CDC5L: variants seen among roughly 807,000 people sequenced by gnomAD.
The protein encoded by CDC5L is cell division cycle 5-like protein.
In CDC5L, 18 loss-of-function variants were observed where a neutral mutation model predicts 104.1. That is an observed-to-expected ratio of 0.17 (90% CI 0.12 to 0.26). The LOEUF (loss-of-function observed/expected upper bound fraction) is 0.26, where lower values mean the gene tolerates loss of function less well. CDC5L is among the 10% of genes least tolerant of loss of function. The pLI is 1.00. For synonymous variants in CDC5L, 331 were observed against 322.7 expected (o/e 1.03, Z -0.28); for missense variants, 673 against 956.9 (o/e 0.70, Z 3.91).
chr6:44,397,420 A>G (rs1172103956), intron 5 of CDC5L, among the ~76,000 whole-genome samples: 1 of 152,204 alleles, frequency 6.6e-6, no homozygotes, highest in Non-Finnish European at 1.5e-5. Context: ...TTTCGCTAGT[A>G]TTCTTTACCT....
intron 11 of CDC5L, 36 bp downstream of exon 11, chr6:44,424,619 T>A (rs1792337745): frequency 6.2e-7 from 1 of 1,604,536 alleles, no homozygotes; most frequent in Non-Finnish European, 8.5e-7. Context: ...TGAGTTTGGC[T>A]GAATGTGTCA....
intron 9 of CDC5L, among the ~76,000 whole-genome samples, chr6:44,421,454 A>G (rs1561975204): frequency 6.6e-6 from 1 of 152,348 alleles, no homozygotes; most frequent in East Asian, 1.9e-4. Context: ...TAGTAGAGAA[A>G]GCACTTCAGG....
At chr6:44,391,670 G>C (rs1233488069) in intron 2 of CDC5L, among the ~76,000 whole-genome samples, 1 of 152,132 alleles carries the variant, frequency 6.6e-6, no homozygotes, top group Non-Finnish European at 1.5e-5. Flanking sequence ...GATTGTATAA[G>C]AATGACCTAA....
At chr6:44,407,685 T>C (rs1791436742) in intron 7 of CDC5L, among the ~76,000 whole-genome samples, 1 of 152,166 alleles carries the variant, frequency 6.6e-6, no homozygotes, top group African/African-American at 2.4e-5. Flanking sequence ...TTGGACAGAT[T>C]TAATGGTGCA....
At chr6:44,397,426 T>C (rs908407103) in intron 5 of CDC5L, among the ~76,000 whole-genome samples, 4 of 152,256 alleles carry the variant, frequency 2.6e-5, no homozygotes, top group Admixed American at 2.6e-4. Context: ...TAGTATTCTT[T>C]ACCTTCTTTA....
chr6:44,391,069 GTTATATA>G lies in CDC5L; in HGVS notation c.149+709_149+715del, dbSNP rs201682792. 1.2e-4 allele frequency among the ~76,000 whole-genome samples: 11 copies of G among 93,058 alleles called. No homozygotes were observed. In the South Asian group the frequency reaches 1.6e-3, roughly 14 times the overall value. The allele number at this position is 93,058 out of a possible 152,430, so 61.0% of individuals were successfully genotyped here. ...ATTATATATTAAACATATTTAATAT[GTTATATA>G]TTATATATTAAACATTTAATATGTT... is the stretch of plus-strand genomic sequence containing the variant. On this transcript the variant is annotated intron_variant, in intron 2 of 15. Transcript: ENST00000371477.
intron 14 of CDC5L, among the ~76,000 whole-genome samples, chr6:44,442,390 T>G (rs895479614): frequency 2.0e-5 from 3 of 150,450 alleles, no homozygotes; most frequent in African/African-American, 7.3e-5. Context: ...TGTGTGTGTG[T>G]GTGTGTGTGT....
intron 14 of CDC5L, among the ~76,000 whole-genome samples, chr6:44,440,369 G>A (rs1793126372): frequency 6.6e-6 from 1 of 151,638 alleles, no homozygotes; most frequent in South Asian, 2.1e-4. Flanking sequence ...AGCCTCCCGA[G>A]TAGCTGGGAC....
In CDC5L at chr6:44,429,845, C is replaced by T. The variant is rs767195793; in HGVS notation, c.2026C>T (p.Arg676Cys). 10 of 1,613,852 alleles carry T rather than the reference C, an allele frequency of 6.2e-6. No individual in the cohort carries two copies. Among genetic ancestry groups the T allele is most frequent in the East Asian group, 2.2e-5 (1 of 44,880 alleles). The stretch of plus-strand genomic sequence containing the variant: ...AGTTTTATATCTTCCTGGGCAGAGC[C>T]GCTACACACGGGCCAATCTGGCTAG... ...SQVLYLPGQS[R>C]YTRANLASKK... is the part of the protein sequence containing the mutation. The change falls in exon 14 of 16, where the codon CGC becomes TGC. Residue 676 changes from arginine (R) to cysteine (C), a missense_variant. By Grantham distance (180) the Arg-to-Cys change is radical. Transcript: ENST00000371477.
chr6:44,440,072 C>A (rs1323212911), intron 14 of CDC5L, among the ~76,000 whole-genome samples: 1 of 151,988 alleles, frequency 6.6e-6, no homozygotes, highest in Non-Finnish European at 1.5e-5. Context: ...ATTTATTGTT[C>A]AAGTAAATTG....
chr6:44,393,346 G>A, intron 3 of CDC5L, 100 bp from the exon 4 acceptor site: 2 of 1,152,158 alleles, frequency 1.7e-6, no homozygotes, highest in Admixed American at 4.7e-5. Context: ...CCATCCATTG[G>A]TTTTTTTGGG....
chr6:44,432,338 C>A (rs1298465162), intron 14 of CDC5L, among the ~76,000 whole-genome samples: 1 of 152,104 alleles, frequency 6.6e-6, no homozygotes, highest in Admixed American at 6.5e-5. Flanking sequence ...CTTAAATTAT[C>A]CTTTCCACTC....
chr6:44,414,710 G>A (rs985225419), intron 8 of CDC5L, among the ~76,000 whole-genome samples: 9 of 151,910 alleles, frequency 5.9e-5, no homozygotes, highest in African/African-American at 1.9e-4. Context: ...ACTTGCAGAT[G>A]TTTCCTCTCA....
intron 14 of CDC5L, among the ~76,000 whole-genome samples, chr6:44,441,932 CTTTTTTTTT>C (rs145016358): frequency 2.2e-5 from 2 of 92,868 alleles, no homozygotes; most frequent in African/African-American, 4.4e-5. Flanking sequence ...AGGTCTTGTT[CTTTTTTTTT>C]TTTTTTTTTT....
In CDC5L at chr6:44,446,767, A is replaced by C; in HGVS notation, c.*56A>C. On this transcript the variant is annotated 3_prime_UTR_variant, in exon 16 of 16. Coordinates refer to ENST00000371477, the MANE Select transcript of CDC5L (RefSeq NM_001253.4). The stretch of plus-strand genomic sequence containing the variant: ...TTAATTGCCGGTTTTCATACTCTAG[A>C]AGGCTGAAACTGATGTTTATCTTCA... The C allele has an allele frequency of 1.2e-6, 1 of 859,396 alleles. No homozygotes were observed. The highest frequency in any genetic ancestry group is 1.9e-6 in the Non-Finnish European group (1 of 537,782). The allele number at this position is 859,396 out of a possible 1,614,324, so 53.2% of individuals were successfully genotyped here. A position where few individuals can be genotyped will look rare whatever the true frequency, so the allele number is the denominator to read the frequency against.
intron 8 of CDC5L, among the ~76,000 whole-genome samples, chr6:44,413,972 A>G (rs1391535640): frequency 6.6e-6 from 1 of 152,220 alleles, no homozygotes; most frequent in Non-Finnish European, 1.5e-5. Flanking sequence ...GATTATAGCC[A>G]TCTTGTAATC....
At chr6:44,388,837 T>G (rs1331949738) in intron 1 of CDC5L, among the ~76,000 whole-genome samples, 1 of 152,188 alleles carries the variant, frequency 6.6e-6, no homozygotes, top group African/African-American at 2.4e-5. Flanking sequence ...AAAACTTGCT[T>G]TGTCTTTTTG....
At chr6:44,397,856 T>G (rs941055883) in intron 5 of CDC5L, among the ~76,000 whole-genome samples, 8 of 152,206 alleles carry the variant, frequency 5.3e-5, no homozygotes, top group African/African-American at 1.9e-4. Flanking sequence ...TCCTTTTGGT[T>G]AAGTCCATGA....
At chr6:44,414,172 C>G (rs561341661) in intron 8 of CDC5L, among the ~76,000 whole-genome samples, 1 of 152,110 alleles carries the variant, frequency 6.6e-6, no homozygotes, top group Non-Finnish European at 1.5e-5. Flanking sequence ...CTCAACTTCT[C>G]TGGTTCAAGC....
Sources: allele counts gnomAD v4.1 joint callset (sites outside exome capture counted in the v4.1 genomes callset), GRCh38; gene constraint gnomAD v4.1.1; transcripts MANE v1.5; gene names NCBI Gene and HGNC (gene_info 2026-07-23, HGNC 2026-07-21).